ZEB1: variants seen among roughly 807,000 people sequenced by gnomAD.
The protein encoded by ZEB1 is zinc finger E-box-binding homeobox 1.
ZEB1 carries 21 observed loss-of-function variants against 84.9 expected under a neutral mutation model. The observed-to-expected ratio is 0.25, with a 90% CI of 0.18 to 0.36. ZEB1 has a LOEUF of 0.36. Among genes scored for constraint, ZEB1 ranks in the 10% least tolerant of loss-of-function variants. The pLI is 1.00. For missense variants in ZEB1, 1,104 were observed against 1,330.2 expected (o/e 0.83, Z 2.65); for synonymous variants, 420 against 471.1 (o/e 0.89, Z 1.41).
In ZEB1 at chr10:31,527,012, G is replaced by A. The variant is rs1294396214; in HGVS notation, c.3126G>A (p.Glu1042=). The change falls in exon 9 of 9, where the codon GAG becomes GAA. Residue 1042 remains glutamate (E), a synonymous_variant. Coordinates refer to ENST00000424869, the MANE Select transcript of ZEB1 (RefSeq NM_001174096.2). ...EEDEDSEKEE[E]EEDKEMEELQ... is the part of the protein sequence containing the mutation. ...ATGAAGACAGTGAAAAAGAGGAAGAGGAGGAGGATAAAGAGATGGAAGAAT... is the reference window on the plus strand; with the variant it reads ...ATGAAGACAGTGAAAAAGAGGAAGAAGAGGAGGATAAAGAGATGGAAGAAT... The A allele has an allele frequency of 6.2e-7, 1 of 1,601,122 alleles. No individual in the cohort carries two copies. Among genetic ancestry groups the A allele is most frequent in the Non-Finnish European group, 8.5e-7 (1 of 1,172,748 alleles).
intron 2 of ZEB1, among the ~76,000 whole-genome samples, chr10:31,478,991 G>A (rs1362680967): frequency 6.6e-6 from 1 of 151,786 alleles, no homozygotes; most frequent in Non-Finnish European, 1.5e-5. Flanking sequence ...ATATATCTAT[G>A]TGATAAACCT....
intron 2 of ZEB1, among the ~76,000 whole-genome samples, chr10:31,462,607 A>G (rs1792564081): frequency 6.6e-6 from 1 of 152,218 alleles, no homozygotes; most frequent in African/African-American, 2.4e-5. Context: ...AAAAGAGGCA[A>G]CATACATGAA....
chr10:31,471,706 C>G (rs2063279084), intron 2 of ZEB1, among the ~76,000 whole-genome samples: 1 of 146,280 alleles, frequency 6.8e-6, no homozygotes, highest in Non-Finnish European at 1.5e-5. Flanking sequence ...CTGCACCAAG[C>G]AGACCTAATA....
intron 1 of ZEB1, among the ~76,000 whole-genome samples, chr10:31,442,887 G>T (rs1048725554): frequency 3.3e-5 from 5 of 152,194 alleles, no homozygotes; most frequent in African/African-American, 7.2e-5. Context: ...TGTTGGTGGA[G>T]TGTTGTAATT....
intron 1 of ZEB1, chr10:31,321,188 A>G (rs967846782): frequency 9.2e-7 from 1 of 1,083,888 alleles, no homozygotes; most frequent in Non-Finnish European, 1.1e-6. Context: ...CTTTCCTGGC[A>G]ATTTTAGATT....
intron 7 of ZEB1, among the ~76,000 whole-genome samples, chr10:31,523,587 CGTAAA>C (rs1233674024): frequency 7.2e-5 from 11 of 152,206 alleles, no homozygotes; most frequent in Non-Finnish European, 1.2e-4. Context: ...GCAAATTTCT[CGTAAA>C]GTAATGATTC....
intron 1 of ZEB1, among the ~76,000 whole-genome samples, chr10:31,407,288 T>C (rs993144030): frequency 1.5e-5 from 2 of 133,530 alleles, no homozygotes; most frequent in Non-Finnish European, 3.1e-5. Flanking sequence ...ATGTTCCCCT[T>C]CCTGTGTCCA....
chr10:31,405,015 G>A (rs566736053), intron 1 of ZEB1, among the ~76,000 whole-genome samples: 1 of 152,200 alleles, frequency 6.6e-6, no homozygotes, highest in African/African-American at 2.4e-5. Flanking sequence ...CACACAAGAG[G>A]CCCTGAATTT....
chr10:31,331,077 C>CTTTTTTTTTTTTTTTTTTTTTT (rs1238584690), intron 1 of ZEB1, among the ~76,000 whole-genome samples: 1 of 89,064 alleles, frequency 1.1e-5, no homozygotes, highest in Non-Finnish European at 2.2e-5. Flanking sequence ...TTTTTTCTTT[C>CTTTTTTTTTTTTTTTTTTTTTT]TTTCTTTTTT....
At chr10:31,412,144 T>A (rs2054415654) in intron 1 of ZEB1, among the ~76,000 whole-genome samples, 1 of 152,218 alleles carries the variant, frequency 6.6e-6, no homozygotes, top group Non-Finnish European at 1.5e-5. Context: ...CTTATTTTCC[T>A]CTCTTTTTTA....
chr10:31,429,460 C>T (rs1564825497), intron 1 of ZEB1, among the ~76,000 whole-genome samples: 1 of 152,036 alleles, frequency 6.6e-6, no homozygotes, highest in Non-Finnish European at 1.5e-5. Flanking sequence ...CATGTTCTCA[C>T]ATGTTAAGTA....
At chr10:31,476,794 TAAAA>T (rs1261062431) in intron 2 of ZEB1, among the ~76,000 whole-genome samples, 1 of 151,930 alleles carries the variant, frequency 6.6e-6, no homozygotes, top group Non-Finnish European at 1.5e-5. Context: ...TATGCAGAAT[TAAAA>T]AGAAAAACGA....
At chr10:31,499,172 A>G (rs1236307908) in intron 3 of ZEB1, among the ~76,000 whole-genome samples, 2 of 152,184 alleles carry the variant, frequency 1.3e-5, no homozygotes, top group Non-Finnish European at 2.9e-5. Context: ...ACAATCATCT[A>G]TTCCCTCATT....
chr10:31,509,359 A>C (rs2069564964), intron 4 of ZEB1, among the ~76,000 whole-genome samples: 1 of 151,576 alleles, frequency 6.6e-6, no homozygotes, highest in Non-Finnish European at 1.5e-5. Flanking sequence ...TCTCTCACTT[A>C]CTCTTTCCCT....
At chr10:31,488,140 T>C (rs1378563658) in intron 2 of ZEB1, among the ~76,000 whole-genome samples, 2 of 151,298 alleles carry the variant, frequency 1.3e-5, no homozygotes, top group Non-Finnish European at 3.0e-5. Context: ...AAAAAATATT[T>C]AAATTGGTGT....
chr10:31,362,389 C>CG (rs1182866709), intron 1 of ZEB1, among the ~76,000 whole-genome samples: 3 of 149,318 alleles, frequency 2.0e-5, no homozygotes, highest in Non-Finnish European at 4.5e-5. Flanking sequence ...AGGCACTCCT[C>CG]GCTTCCCAGA....
chr10:31,325,777 T>C (rs2035346338), intron 1 of ZEB1, among the ~76,000 whole-genome samples: 1 of 152,014 alleles, frequency 6.6e-6, no homozygotes, highest in South Asian at 2.1e-4. Flanking sequence ...CTTTTTAAAA[T>C]ATTCTAATTT....
chr10:31,497,824 C>A (rs72807309), intron 3 of ZEB1, among the ~76,000 whole-genome samples: 1 of 151,828 alleles, frequency 6.6e-6, no homozygotes, highest in African/African-American at 2.4e-5. Flanking sequence ...TCCTTCTGAG[C>A]GTCCCTTTTT....
chr10:31,392,670 A>G (rs1467586946), intron 1 of ZEB1, among the ~76,000 whole-genome samples: 1 of 152,026 alleles, frequency 6.6e-6, no homozygotes, highest in Non-Finnish European at 1.5e-5. Flanking sequence ...GTGCATTTAT[A>G]CCATAAACTG....
Sources: gnomAD v4.1 joint callset for allele counts (sites outside exome capture counted in the v4.1 genomes callset) on GRCh38, gnomAD v4.1.1 for gene constraint, MANE v1.5 for transcripts, NCBI Gene and HGNC (gene_info 2026-07-23, HGNC 2026-07-21) for gene names.